DKK4: variants seen among roughly 807,000 people sequenced by gnomAD.
DKK4 encodes the protein dickkopf-related protein 4.
DKK4 carries 15 observed loss-of-function variants against 14.5 expected under a neutral mutation model. That is an observed-to-expected ratio of 1.03 (90% CI 0.69 to 1.59). DKK4 has a LOEUF of 1.59. Ranked by LOEUF, DKK4 falls within the 40% of genes most tolerant of loss-of-function variation. DKK4 has a pLI of 0.00. For synonymous variants in DKK4, 89 were observed against 105.2 expected (o/e 0.85, Z 0.94); for missense variants, 272 against 280.3 (o/e 0.97, Z 0.21).
intron 2 of DKK4, 72 bp downstream of exon 2, chr8:42,375,608 G>A (rs1824541741): frequency 3.8e-6 from 6 of 1,574,972 alleles, no homozygotes; most frequent in East Asian, 2.2e-5. Flanking sequence ...TGCCTACCCT[G>A]GAATATTCTA....
upstream of DKK4, among the ~76,000 whole-genome samples, chr8:42,379,378 T>TAGAG (rs537441477): frequency 1.0e-3 from 36 of 34,548 alleles, no homozygotes; most frequent in African/African-American, 2.3e-3. Context: ...TATATATATA[T>TAGAG]AGAGAGAGAG....
upstream of DKK4, among the ~76,000 whole-genome samples, chr8:42,380,466 A>C (rs1486395587): frequency 7.0e-6 from 1 of 142,140 alleles, no homozygotes; most frequent in Non-Finnish European, 1.5e-5. Context: ...GGAGGGAAGG[A>C]GAGAGGGAGG....
At chr8:42,384,388 C>G in the DKK4 span, among the ~76,000 whole-genome samples, 1 of 152,152 alleles carries the variant, frequency 6.6e-6, no homozygotes, top group East Asian at 1.9e-4. Flanking sequence ...AGCGATCCTC[C>G]CACCTTGGCC....
chr8:42,375,976 G>A (rs1334085632), intron 1 of DKK4, 146 bp from the exon 2 acceptor site: 2 of 1,109,092 alleles, frequency 1.8e-6, no homozygotes, highest in African/African-American at 1.6e-5. Flanking sequence ...CAGTGGAAAT[G>A]GTTTTCTCCC....
At chr8:42,384,910 G>A in the DKK4 span, among the ~76,000 whole-genome samples, 1 of 151,778 alleles carries the variant, frequency 6.6e-6, no homozygotes, top group Admixed American at 6.6e-5. Flanking sequence ...TTCCAATTAC[G>A]ACTCTGGTTG....
intron 1 of DKK4, among the ~76,000 whole-genome samples, chr8:42,376,644 G>C (rs1369405779): frequency 2.0e-5 from 3 of 152,100 alleles, no homozygotes; most frequent in African/African-American, 7.2e-5. Flanking sequence ...AGTACATGAC[G>C]TATTACATGT....
chr8:42,374,981 T>C, intron 2 of DKK4, 68 bp from the exon 3 acceptor site: 1 of 1,541,658 alleles, frequency 6.5e-7, no homozygotes, highest in Non-Finnish European at 8.9e-7. Flanking sequence ...ACACTAATTA[T>C]CCTACTGTTG....
chr8:42,380,746 AAGAGAG>A (rs149482173), upstream of DKK4, among the ~76,000 whole-genome samples: 75 of 143,178 alleles, frequency 5.2e-4, no homozygotes, highest in African/African-American at 1.1e-3. Flanking sequence ...AGAGAGTGGA[AAGAGAG>A]AGAGAGAGAG....
the DKK4 span, among the ~76,000 whole-genome samples, chr8:42,388,772 T>C: frequency 6.6e-6 from 1 of 152,084 alleles, no homozygotes; most frequent in Non-Finnish European, 1.5e-5. Flanking sequence ...GGTTTCACCA[T>C]GTTGGCCAGG....
chr8:42,377,559 C>A (rs925856050), upstream of DKK4, among the ~76,000 whole-genome samples: 2 of 152,158 alleles, frequency 1.3e-5, no homozygotes, highest in South Asian at 4.1e-4. Context: ...GCCCTAAGAT[C>A]TGTTTTCACA....
chr8:42,386,118 G>T, the DKK4 span, among the ~76,000 whole-genome samples: 1 of 152,128 alleles, frequency 6.6e-6, no homozygotes, highest in Non-Finnish European at 1.5e-5. Context: ...TCACTGTGTT[G>T]CCCGGGCTGG....
Position 42,374,264 on chromosome 8 carries a change from A to G in DKK4, c.511T>C (p.Leu171=). The part of the protein sequence containing the change: ...FWTKICKPVL[L]EGQVCSRRGH... Reference sequence around the variant, plus strand: ...CTTCTGGAGCAGACCTGTCCCTCCAAAAGGACTGGCTTACAAATTTTCGTC... The same window carrying G: ...CTTCTGGAGCAGACCTGTCCCTCCAGAAGGACTGGCTTACAAATTTTCGTC... The change falls in exon 4 of 4, where the codon TTG becomes CTG. Residue 171 remains leucine (L), a synonymous_variant. Transcript: ENST00000220812. The G allele has an allele frequency of 1.9e-6, 3 of 1,612,226 alleles. No homozygotes were observed. The highest frequency in any genetic ancestry group is 2.5e-6 in the Non-Finnish European group (3 of 1,179,016).
In DKK4 at chr8:42,376,970, T is replaced by A; in HGVS notation, c.76A>T (p.Ile26Phe). The A allele has an allele frequency of 1.9e-6, 3 of 1,613,804 alleles. No homozygotes were observed. Residue 26 changes from isoleucine (I) to phenylalanine (F), a missense_variant, in exon 1 of 4, where the codon ATC becomes TTC. Transcript: ENST00000220812. ...LGALVLDFNNIRSSADLHGAR... is the reference protein window; with the variant it reads ...LGALVLDFNNFRSSADLHGAR... ...CCATGCAGGTCAGCAGAGCTCCTGA[T>A]GTTGTTGAAGTCCAGGACCAGAGCT...
chr8:42,377,122 G>T lies in DKK4; in HGVS notation c.-77C>A. On this transcript the variant is annotated 5_prime_UTR_variant, in exon 1 of 4. Coordinates refer to ENST00000220812, the MANE Select transcript of DKK4 (RefSeq NM_014420.3). ...GAGGCTGCTCTCCACCCAGAGCAGAGCTTCCACTAAGCTGGCAGCTCAGCA... is the reference window on the plus strand; with the variant it reads ...GAGGCTGCTCTCCACCCAGAGCAGATCTTCCACTAAGCTGGCAGCTCAGCA... 8.4e-7 allele frequency: 1 copy of T among 1,194,660 alleles called. No homozygotes were observed. Among genetic ancestry groups the T allele is most frequent in the Non-Finnish European group, 1.2e-6 (1 of 836,006 alleles). The allele number at this position is 1,194,660 out of a possible 1,614,324, so 74.0% of individuals were successfully genotyped here.
At chr8:42,376,084 T>G (rs1824556147) in intron 1 of DKK4, among the ~76,000 whole-genome samples, 1 of 152,246 alleles carries the variant, frequency 6.6e-6, no homozygotes, top group Non-Finnish European at 1.5e-5. Context: ...TTTCCTGTGC[T>G]CTTTGTGAAA....
At chr8:42,382,065 A>G (rs1824688343), upstream of DKK4, among the ~76,000 whole-genome samples, 2 of 152,232 alleles carry the variant, frequency 1.3e-5, no homozygotes, top group South Asian at 4.1e-4. Flanking sequence ...TCCAGGCCAG[A>G]ACTTTCCATC....
At chr8:42,377,729 A>G (rs1391327723), upstream of DKK4, among the ~76,000 whole-genome samples, 1 of 152,238 alleles carries the variant, frequency 6.6e-6, no homozygotes, top group Non-Finnish European at 1.5e-5. Context: ...TAGCTCTGGC[A>G]TCCAGATGTC....
upstream of DKK4, among the ~76,000 whole-genome samples, chr8:42,381,407 G>A (rs556681434): frequency 1.3e-5 from 2 of 152,286 alleles, no homozygotes; most frequent in South Asian, 2.1e-4. Flanking sequence ...TGTCTTCCAC[G>A]AACCAGGCTC....
At chr8:42,386,652 C>T in the DKK4 span, among the ~76,000 whole-genome samples, 1 of 152,266 alleles carries the variant, frequency 6.6e-6, no homozygotes, top group South Asian at 2.1e-4. Context: ...CCAACCTCAG[C>T]TAATTTTTTA....
Sources: gnomAD v4.1 joint callset for allele counts (sites outside exome capture counted in the v4.1 genomes callset) on GRCh38, gnomAD v4.1.1 for gene constraint, MANE v1.5 for transcripts, NCBI Gene and HGNC (gene_info 2026-07-23, HGNC 2026-07-21) for gene names.